HMG20A: variants seen among roughly 807,000 people sequenced by gnomAD.
The protein encoded by HMG20A is high mobility group 20A.
Under a neutral mutation model 43.9 loss-of-function variants are expected in HMG20A, and 17 were observed. The observed-to-expected ratio is 0.39, with a 90% confidence interval of 0.27 to 0.58. HMG20A has a LOEUF of 0.58. Ranked by LOEUF, HMG20A falls within the 20% of genes least tolerant of loss-of-function variation. The pLI is 0.59. For synonymous variants in HMG20A, 132 were observed against 147.5 expected (o/e 0.89, Z 0.76); for missense variants, 341 against 438.2 (o/e 0.78, Z 1.98).
intron 1 of HMG20A, among the ~76,000 whole-genome samples, chr15:77,428,961 T>G (rs1276867457): frequency 7.4e-6 from 1 of 136,036 alleles, no homozygotes; most frequent in South Asian, 2.5e-4. Context: ...AGACTCTGTC[T>G]CAAAAAAAAA....
At chr15:77,422,471 C>T (rs926656092) in intron 1 of HMG20A, among the ~76,000 whole-genome samples, 3 of 152,132 alleles carry the variant, frequency 2.0e-5, no homozygotes, top group Non-Finnish European at 4.4e-5. Context: ...CAAAAATTAG[C>T]TGGGCGTGGT....
intron 6 of HMG20A, among the ~76,000 whole-genome samples, chr15:77,472,795 T>C (rs1217856520): frequency 6.6e-6 from 1 of 152,260 alleles, no homozygotes; most frequent in Non-Finnish European, 1.5e-5. Flanking sequence ...CATGGCTCTC[T>C]ATACTTGTGT....
At chr15:77,467,499 T>A (rs2072767771) in intron 4 of HMG20A, among the ~76,000 whole-genome samples, 192 bp downstream of exon 4, 1 of 152,212 alleles carries the variant, frequency 6.6e-6, no homozygotes, top group South Asian at 2.1e-4. Context: ...TAGAGGGGTG[T>A]GAGCAGGGAA....
the HMG20A span, among the ~76,000 whole-genome samples, chr15:77,511,356 A>T: frequency 6.6e-6 from 1 of 152,160 alleles, no homozygotes; most frequent in Non-Finnish European, 1.5e-5. Flanking sequence ...CCCCAAAATA[A>T]ATGAGCAAAT....
chr15:77,519,911 G>A, the HMG20A span, among the ~76,000 whole-genome samples: 1 of 152,100 alleles, frequency 6.6e-6, no homozygotes, highest in South Asian at 2.1e-4. Flanking sequence ...TAAAACCCCA[G>A]TACATGGGGC....
At chr15:77,438,429 T>C (rs1457999514) in intron 1 of HMG20A, among the ~76,000 whole-genome samples, 1 of 152,186 alleles carries the variant, frequency 6.6e-6, no homozygotes, top group Non-Finnish European at 1.5e-5. Context: ...ACAGTAAGTA[T>C]ATGACATGTC....
chr15:77,465,260 C>CAAATA (rs2072744835), intron 3 of HMG20A, among the ~76,000 whole-genome samples: 1 of 59,188 alleles, frequency 1.7e-5, no homozygotes, highest in African/African-American at 9.4e-5. Context: ...GACTTCGTCT[C>CAAATA]AAAAAAAAAA....
intron 1 of HMG20A, among the ~76,000 whole-genome samples, chr15:77,446,758 G>T (rs2073678773): frequency 6.7e-6 from 1 of 148,882 alleles, no homozygotes; most frequent in Non-Finnish European, 1.5e-5. Flanking sequence ...AGTGAGCCAA[G>T]ATCACGCCAC....
At chr15:77,487,530 T>C (rs1567411043), downstream of HMG20A, among the ~76,000 whole-genome samples, 1 of 152,136 alleles carries the variant, frequency 6.6e-6, no homozygotes, top group Non-Finnish European at 1.5e-5. Context: ...TGTTCCCATC[T>C]AGCTCTTCCC....
At chr15:77,513,640 C>T in the HMG20A span, among the ~76,000 whole-genome samples, 1 of 152,124 alleles carries the variant, frequency 6.6e-6, no homozygotes, top group African/African-American at 2.4e-5. Context: ...CCTCAAATGG[C>T]CCACTTGGTG....
the HMG20A span, among the ~76,000 whole-genome samples, chr15:77,499,299 T>G: frequency 6.6e-6 from 1 of 152,144 alleles, no homozygotes; most frequent in South Asian, 2.1e-4. Context: ...GTTCCTGATC[T>G]CTCTTTCCAG....
chr15:77,476,885 A>G (rs2142357784), intron 6 of HMG20A, among the ~76,000 whole-genome samples: 1 of 152,256 alleles, frequency 6.6e-6, no homozygotes, highest in East Asian at 1.9e-4. Flanking sequence ...AATTAATTTT[A>G]GGCTTTGTTA....
chr15:77,451,567 A>G (rs1379811656), intron 1 of HMG20A, among the ~76,000 whole-genome samples: 1 of 152,184 alleles, frequency 6.6e-6, no homozygotes, highest in Non-Finnish European at 1.5e-5. Flanking sequence ...TGGAAAATAC[A>G]GTATTCGAGA....
At position 77,472,435 on chromosome 15, in the gene HMG20A, C is replaced by T. The variant is rs569884850; in HGVS notation, c.615+621C>T. Among the ~76,000 whole-genome samples the T allele has an allele frequency of 7.9e-5, 12 of 152,216 alleles. No homozygotes were observed. The East Asian group carries it at 1.4e-3, about 17-fold the overall frequency. On this transcript the variant is annotated intron_variant, in intron 6 of 9. Transcript: ENST00000336216. ...GACTACAGGCTCGTGCCATCATACCCGGCTAATTTTCTGTATTTTTAGTAG... is the reference window on the plus strand; with the variant it reads ...GACTACAGGCTCGTGCCATCATACCTGGCTAATTTTCTGTATTTTTAGTAG...
chr15:77,490,698 G>T, the HMG20A span, among the ~76,000 whole-genome samples: 2 of 152,146 alleles, frequency 1.3e-5, no homozygotes, highest in African/African-American at 2.4e-5. Context: ...TTTTGGCTTG[G>T]AAAACTGGGT....
intron 1 of HMG20A, 105 bp from the exon 2 acceptor site, chr15:77,458,299 T>A: frequency 1.4e-6 from 1 of 692,148 alleles, no homozygotes; most frequent in Non-Finnish European, 2.5e-6. Context: ...GTTTTTATTC[T>A]GTTGCTTATA....
At chr15:77,443,709 A>T (rs1190919162) in intron 1 of HMG20A, among the ~76,000 whole-genome samples, 1 of 149,968 alleles carries the variant, frequency 6.7e-6, no homozygotes, top group Non-Finnish European at 1.5e-5. Context: ...GTATTTATTT[A>T]TTATTATTAT....
the HMG20A span, among the ~76,000 whole-genome samples, chr15:77,500,861 G>T: frequency 3.3e-5 from 5 of 151,012 alleles, no homozygotes; most frequent in African/African-American, 1.2e-4. Flanking sequence ...GAGCCACCGC[G>T]CCTGGCCCTC....
At chr15:77,425,241 T>C (rs2073414838) in intron 1 of HMG20A, among the ~76,000 whole-genome samples, 1 of 152,220 alleles carries the variant, frequency 6.6e-6, no homozygotes, top group Non-Finnish European at 1.5e-5. Flanking sequence ...TGCGTTGTTG[T>C]AGGTAGAGTT....
Sources: allele counts gnomAD v4.1 joint callset (sites outside exome capture counted in the v4.1 genomes callset), GRCh38; gene constraint gnomAD v4.1.1; transcripts MANE v1.5; gene names NCBI Gene and HGNC (gene_info 2026-07-23, HGNC 2026-07-21).